Variants in CAMK2D observed in about 807,000 individuals in gnomAD.
The protein encoded by CAMK2D is calcium/calmodulin-dependent protein kinase type II subunit delta.
A neutral mutation model predicts 84.0 loss-of-function variants in CAMK2D; 37 were observed. That is an observed-to-expected ratio of 0.44 (90% CI 0.34 to 0.58). CAMK2D has a LOEUF of 0.58. Ranked by LOEUF, CAMK2D falls within the 20% of genes least tolerant of loss-of-function variation. The pLI, the probability that CAMK2D is intolerant of heterozygous loss-of-function variation, is 0.02. For synonymous variants in CAMK2D, 202 were observed against 212.5 expected (o/e 0.95, Z 0.43); for missense variants, 448 against 652.5 (o/e 0.69, Z 3.41).
intron 16 of CAMK2D, among the ~76,000 whole-genome samples, chr4:113,473,890 T>C (rs1028432167): frequency 6.6e-6 from 1 of 152,190 alleles, no homozygotes; most frequent in Non-Finnish European, 1.5e-5. Context: ...CAGTAAAATA[T>C]GGTCATGTTA....
chr4:113,549,058 C>T (rs140886908), intron 5 of CAMK2D, among the ~76,000 whole-genome samples: 17 of 152,168 alleles, frequency 1.1e-4, no homozygotes, highest in African/African-American at 4.1e-4. Context: ...AAAGAATTCC[C>T]ATAATGTTCT....
intron 16 of CAMK2D, among the ~76,000 whole-genome samples, chr4:113,487,649 C>G (rs893775557): frequency 6.6e-6 from 1 of 151,970 alleles, no homozygotes; most frequent in African/African-American, 2.4e-5. Flanking sequence ...AAAGTAGTAA[C>G]TTTATAGTCC....
chr4:113,607,521 T>C (rs754890086), intron 4 of CAMK2D, among the ~76,000 whole-genome samples: 1 of 152,114 alleles, frequency 6.6e-6, no homozygotes, highest in Admixed American at 6.5e-5. Flanking sequence ...TTGTGATTTG[T>C]TCCTGCCCCA....
chr4:113,481,956 C>T (rs774526073), intron 16 of CAMK2D, among the ~76,000 whole-genome samples: 4 of 152,208 alleles, frequency 2.6e-5, no homozygotes, highest in Admixed American at 1.3e-4. Context: ...CTGCTTGATA[C>T]ATTTCAGAAA....
At chr4:113,717,840 T>C (rs1328704426) in intron 2 of CAMK2D, among the ~76,000 whole-genome samples, 1 of 152,124 alleles carries the variant, frequency 6.6e-6, no homozygotes, top group Non-Finnish European at 1.5e-5. Flanking sequence ...CTGACCTCAA[T>C]TATAATATAG....
intron 18 of CAMK2D, among the ~76,000 whole-genome samples, chr4:113,459,743 C>T (rs1044046278): frequency 6.6e-6 from 1 of 150,962 alleles, no homozygotes. Context: ...TCTCATACCT[C>T]AGCCTCCCAA....
At chr4:113,674,810 G>GT (rs139645686) in intron 2 of CAMK2D, among the ~76,000 whole-genome samples, 2,273 of 152,128 alleles carry the variant, frequency 0.015, 38 homozygotes, top group East Asian at 0.077. Flanking sequence ...TGCTTAGTGG[G>GT]TTTTTTGTAT....
chr4:113,753,599 TG>T (rs1349320493), intron 2 of CAMK2D: 2 of 170,182 alleles, frequency 1.2e-5, no homozygotes, highest in African/African-American at 2.4e-5. Flanking sequence ...ATCTCTCAAC[TG>T]GAATTAGAGG....
intron 10 of CAMK2D, among the ~76,000 whole-genome samples, chr4:113,514,196 C>T (rs776097437): frequency 3.5e-4 from 54 of 152,294 alleles, no homozygotes; most frequent in Non-Finnish European, 7.1e-4. Flanking sequence ...GGGTGGATCA[C>T]GAGGTCAGGA....
intron 16 of CAMK2D, among the ~76,000 whole-genome samples, chr4:113,485,028 T>C (rs1032018944): frequency 5.3e-5 from 8 of 152,150 alleles, no homozygotes; most frequent in East Asian, 1.9e-4. Context: ...CCCCACGTGG[T>C]TCAGTGCAGT....
intron 4 of CAMK2D, among the ~76,000 whole-genome samples, chr4:113,593,123 G>A (rs1413608553): frequency 6.6e-6 from 1 of 152,106 alleles, no homozygotes; most frequent in Non-Finnish European, 1.5e-5. Context: ...CAAAGTGCTG[G>A]GATTACAGGT....
intron 4 of CAMK2D, among the ~76,000 whole-genome samples, chr4:113,581,529 A>AGAAAAG: frequency 8.2e-6 from 1 of 121,892 alleles, no homozygotes; most frequent in South Asian, 2.6e-4. Flanking sequence ...AAAAAAAAAA[A>AGAAAAG]AAAAGAAAAG....
intron 8 of CAMK2D, among the ~76,000 whole-genome samples, chr4:113,517,886 C>CAAAG (rs2098306164): frequency 6.6e-6 from 1 of 152,276 alleles, no homozygotes; most frequent in African/African-American, 2.4e-5. Flanking sequence ...ATGCATGCAT[C>CAAAG]AAAGAATTCT....
intron 8 of CAMK2D, among the ~76,000 whole-genome samples, chr4:113,517,934 A>C (rs17531026): frequency 0.25 from 38,090 of 152,052 alleles, 4,958 homozygotes; most frequent in Middle Eastern, 0.32. Context: ...TTAGGGCAAC[A>C]TTCTTTGGCC....
intron 6 of CAMK2D, among the ~76,000 whole-genome samples, chr4:113,540,935 T>C (rs1379357389): frequency 2.0e-5 from 3 of 152,316 alleles, no homozygotes; most frequent in Non-Finnish European, 2.9e-5. Context: ...CATAGGTTCC[T>C]TCCCCACCCC....
chr4:113,614,298 C>T (rs571322101), intron 3 of CAMK2D, among the ~76,000 whole-genome samples: 1 of 152,060 alleles, frequency 6.6e-6, no homozygotes, highest in Non-Finnish European at 1.5e-5. Flanking sequence ...TTCCTCTTCA[C>T]TAAAATTTAT....
At chr4:113,509,247 G>T (rs766433814) in intron 13 of CAMK2D, among the ~76,000 whole-genome samples, 1 of 152,084 alleles carries the variant, frequency 6.6e-6, no homozygotes, top group Non-Finnish European at 1.5e-5. Context: ...GTATTTTTCA[G>T]GCTATATATT....
Position 113,539,248 on chromosome 4 carries a change from T to C in CAMK2D, c.415-1805A>G, listed in dbSNP as rs2098513670. ...AACTTGGAAAAAGCTCATCAAACTG[T>C]AAGCAATGGTTGATTCTAATTCTTT... On this transcript the variant is annotated intron_variant, in intron 6 of 20. Transcript: ENST00000511664. Among the ~76,000 whole-genome samples, 3 of 152,212 alleles carry C rather than the reference T, an allele frequency of 2.0e-5. No homozygotes were observed. In the South Asian group the frequency reaches 6.2e-4, roughly 31 times the overall value.
intron 4 of CAMK2D, among the ~76,000 whole-genome samples, chr4:113,562,976 G>C (rs570710644): frequency 1.3e-5 from 2 of 152,222 alleles, no homozygotes; most frequent in South Asian, 4.1e-4. Flanking sequence ...AATGCATTCT[G>C]GCCGGGCACA....
Sources: allele counts gnomAD v4.1 joint callset (sites outside exome capture counted in the v4.1 genomes callset), GRCh38; gene constraint gnomAD v4.1.1; transcripts MANE v1.5; gene names NCBI Gene and HGNC (gene_info 2026-07-23, HGNC 2026-07-21).